The following PAH variants were observed in gnomAD, a reference collection of about 807,000 sequenced individuals.
PAH encodes phenylalanine hydroxylase.
In PAH, 64 loss-of-function variants were observed where a neutral mutation model predicts 62.0. That is an observed-to-expected ratio of 1.03 (90% CI 0.84 to 1.27). The LOEUF (loss-of-function observed/expected upper bound fraction) is 1.27, where lower values mean the gene tolerates loss of function less well. Ranked by LOEUF, PAH falls within the 50% of genes most tolerant of loss-of-function variation. PAH has a pLI of 0.00. For synonymous variants in PAH, 195 were observed against 196.2 expected, an observed-to-expected ratio of 0.99 and a Z score of 0.05; for missense variants, 579 against 542.8, an observed-to-expected ratio of 1.07 and a Z score of -0.66.
At chr12:102,900,971 TG>T (rs1402387320) in intron 2 of PAH, among the ~76,000 whole-genome samples, 33 of 152,300 alleles carry the variant, frequency 2.2e-4, no homozygotes, top group Middle Eastern at 3.4e-3. Flanking sequence ...GCATAAAAGA[TG>T]GCAGCATAAA....
At chr12:102,908,371 C>G (rs889561161) in intron 2 of PAH, among the ~76,000 whole-genome samples, 2 of 152,110 alleles carry the variant, frequency 1.3e-5, no homozygotes, top group African/African-American at 4.8e-5. Context: ...TGACTTAGGC[C>G]TAAGGGGCAA....
At chr12:102,958,373 C>T (rs759304276), upstream of PAH, 42 of 1,447,630 alleles carry the variant, frequency 2.9e-5, no homozygotes, top group Admixed American at 1.2e-3. Context: ...CCGCAGCCGC[C>T]GCAGCGGCAG....
intron 5 of PAH, among the ~76,000 whole-genome samples, chr12:102,863,032 A>C (rs1875799596): frequency 6.6e-6 from 1 of 152,012 alleles, no homozygotes; most frequent in Non-Finnish European, 1.5e-5. Flanking sequence ...CAGACTTTGG[A>C]AACAGACAGA....
In PAH at chr12:102,942,148, A is replaced by G. The variant is rs180868171; in HGVS notation, c.-96+8441T>C. On this transcript the variant is annotated intron_variant, in intron 1 of 3. Coordinates refer to the PAH transcript ENST00000546844. ...CAAACTATCTCTCTTCATAGATGTT[A>G]TGATCCTATACCAAGAAAACCCCAT... is the stretch of plus-strand genomic sequence containing the variant. Among the ~76,000 whole-genome samples, 504 of 152,304 alleles carry G rather than the reference A, an allele frequency of 3.3e-3. 2 individuals carry two copies. The highest frequency in any genetic ancestry group is 5.1e-3 in the Non-Finnish European group (347 of 67,992).
intron 3 of PAH, among the ~76,000 whole-genome samples, chr12:102,892,705 A>G (rs1016972809): frequency 1.3e-5 from 2 of 152,234 alleles, no homozygotes; most frequent in Non-Finnish European, 2.9e-5. Context: ...TACATACTGT[A>G]TGATTTCAAC....
At chr12:102,839,974 T>C (rs1874513430) in intron 12 of PAH, among the ~76,000 whole-genome samples, 1 of 152,208 alleles carries the variant, frequency 6.6e-6, no homozygotes, top group South Asian at 2.1e-4. Context: ...TGTGATATTC[T>C]TAAGGGCAAT....
chr12:102,930,947 A>G (rs992149929), intron 1 of PAH, among the ~76,000 whole-genome samples: 2 of 152,188 alleles, frequency 1.3e-5, no homozygotes, highest in African/African-American at 4.8e-5. Flanking sequence ...AAAAAAACAA[A>G]TTTCAATCAT....
intron 1 of PAH, among the ~76,000 whole-genome samples, chr12:102,945,492 G>A (rs1380352095): frequency 6.6e-6 from 1 of 152,124 alleles, no homozygotes; most frequent in African/African-American, 2.4e-5. Flanking sequence ...TACTGTGGCT[G>A]AGCTGGCACC....
chr12:102,857,714 C>T (rs1305176156), intron 5 of PAH, among the ~76,000 whole-genome samples: 4 of 152,132 alleles, frequency 2.6e-5, no homozygotes, highest in Non-Finnish European at 5.9e-5. Context: ...ATTTCATATC[C>T]AGACAAACTA....
rs529822665 is a variant in PAH, at chr12:102,930,214, C to T, written c.-95-12989G>A. On this transcript the variant is annotated intron_variant, in intron 1 of 3. Transcript: ENST00000546844. ...CTCTTTTTATTTTATTTCTGCCATT[C>T]ATTCATTCAGTATGTGTTTACCACC... 4.6e-5 allele frequency among the ~76,000 whole-genome samples: 7 copies of T among 152,242 alleles called. No individual in the cohort carries two copies. In the South Asian group the frequency reaches 1.5e-3, roughly 32 times the overall value.
intron 8 of PAH, among the ~76,000 whole-genome samples, chr12:102,848,666 A>C (rs71466238): frequency 1.0e-3 from 119 of 116,310 alleles, no homozygotes; most frequent in Middle Eastern, 6.4e-3. Context: ...CACCAGGAGA[A>C]TGGAGAGGCT....
intron 9 of PAH, among the ~76,000 whole-genome samples, chr12:102,845,741 A>G (rs1173868793): frequency 6.6e-6 from 1 of 152,154 alleles, no homozygotes; most frequent in Non-Finnish European, 1.5e-5. Flanking sequence ...CTCCTCACAT[A>G]CAGGTGAGGA....
At chr12:102,919,829 A>AT (rs962207014), upstream of PAH, among the ~76,000 whole-genome samples, 5 of 152,224 alleles carry the variant, frequency 3.3e-5, no homozygotes, top group South Asian at 2.1e-4. Context: ...AAAGTACCAC[A>AT]TTTTTTTAAA....
At chr12:102,935,515 A>G (rs963012751) in intron 1 of PAH, among the ~76,000 whole-genome samples, 2 of 152,084 alleles carry the variant, frequency 1.3e-5, no homozygotes, top group African/African-American at 4.8e-5. Flanking sequence ...CAATGAAGCC[A>G]TTGGGTACCA....
intron 3 of PAH, among the ~76,000 whole-genome samples, chr12:102,889,534 G>GATAGATAGATA: frequency 6.6e-6 from 1 of 150,434 alleles, no homozygotes; most frequent in African/African-American, 2.5e-5. Context: ...ATAGATAGAC[G>GATAGATAGATA]GATAGATAGA....
At chr12:102,858,916 A>G (rs927102324) in intron 5 of PAH, among the ~76,000 whole-genome samples, 1 of 152,206 alleles carries the variant, frequency 6.6e-6, no homozygotes, top group African/African-American at 2.4e-5. Context: ...GGAAAGAACT[A>G]GAGAAGCAAG....
Position 102,866,051 on chromosome 12 carries a change from AG to A in PAH, c.509+544del, listed in dbSNP as rs140714891. On this transcript the variant is annotated intron_variant, in intron 5 of 12. Transcript: ENST00000553106. Reference sequence around the variant, plus strand: ...ATTTGCATTTTCTTTTGGCTAAAATAGGGTAGGGGAGGAACACAGAACCCCA... The same window carrying A: ...ATTTGCATTTTCTTTTGGCTAAAATAGGTAGGGGAGGAACACAGAACCCCA... Among the ~76,000 whole-genome samples the A allele has an allele frequency of 7.7e-3, 1,153 of 150,682 alleles. 23 individuals carry two copies. Among genetic ancestry groups the A allele is most frequent in the African/African-American group, 0.027 (1,114 of 40,816 alleles).
chr12:102,876,346 G>A (rs1264111971), intron 4 of PAH, among the ~76,000 whole-genome samples: 1 of 152,110 alleles, frequency 6.6e-6, no homozygotes, highest in East Asian at 1.9e-4. Context: ...CACTAGCTAG[G>A]CCTTTGTCTT....
upstream of PAH, chr12:102,958,393 C>CGCAGCAGCG: frequency 1.3e-6 from 2 of 1,506,784 alleles, no homozygotes; most frequent in East Asian, 5.2e-5. Flanking sequence ...GCGCAGAGCG[C>CGCAGCAGCG]GCAGCAGCAG....
Sources: allele counts gnomAD v4.1 joint callset (sites outside exome capture counted in the v4.1 genomes callset), GRCh38; gene constraint gnomAD v4.1.1; transcripts MANE v1.5; gene names NCBI Gene and HGNC (gene_info 2026-07-23, HGNC 2026-07-21).